The following BRAF variants were observed in gnomAD, a reference collection of about 807,000 sequenced individuals.
BRAF encodes the protein serine/threonine-protein kinase B-raf.
In BRAF, 16 loss-of-function variants were observed where a neutral mutation model predicts 104.6. The ratio of observed to expected loss-of-function variants is 0.15; its 90% CI spans 0.10 to 0.23. The LOEUF (loss-of-function observed/expected upper bound fraction) is 0.23, where lower values mean the gene tolerates loss of function less well. Ranked by LOEUF, BRAF falls within the 10% of genes least tolerant of loss-of-function variation. The pLI is 1.00. For missense variants in BRAF, 541 were observed against 937.3 expected (o/e 0.58, Z 5.52); for synonymous variants, 310 against 341.6 (o/e 0.91, Z 1.02).
At chr7:140,883,404 A>G (rs959389391) in intron 1 of BRAF, among the ~76,000 whole-genome samples, 21 of 152,344 alleles carry the variant, frequency 1.4e-4, no homozygotes, top group African/African-American at 4.6e-4. Flanking sequence ...TCTGTCGTAT[A>G]TAACTTTTTC....
chr7:140,764,905 A>T (rs1459905103), intron 14 of BRAF, among the ~76,000 whole-genome samples: 3 of 152,224 alleles, frequency 2.0e-5, no homozygotes, highest in Non-Finnish European at 2.9e-5. Context: ...TGCCATCCCC[A>T]TCAAGCTACC....
At chr7:140,916,506 T>C (rs1460438869) in intron 1 of BRAF, among the ~76,000 whole-genome samples, 2 of 152,242 alleles carry the variant, frequency 1.3e-5, no homozygotes, top group African/African-American at 2.4e-5. Context: ...CACAACCTAA[T>C]TGACACTTTC....
intron 1 of BRAF, among the ~76,000 whole-genome samples, chr7:140,877,822 C>A (rs1016811150): frequency 2.6e-5 from 4 of 152,010 alleles, no homozygotes; most frequent in South Asian, 2.1e-4. Flanking sequence ...CTGAAGATAT[C>A]TTTTATATTC....
chr7:140,852,489 T>C (rs1809289256), intron 1 of BRAF, among the ~76,000 whole-genome samples: 1 of 152,056 alleles, frequency 6.6e-6, no homozygotes, highest in East Asian at 1.9e-4. Context: ...AAATGATTCA[T>C]ATGCATATTA....
chr7:140,779,318 C>A (rs1800629408), intron 12 of BRAF, among the ~76,000 whole-genome samples: 1 of 152,092 alleles, frequency 6.6e-6, no homozygotes, highest in African/African-American at 2.4e-5. Flanking sequence ...CTCACTGCAG[C>A]CTTGAACTCC....
In BRAF at chr7:140,720,029, A is replaced by G. The variant is rs1795246699; in HGVS notation, c.*6465T>C. On this transcript the variant is annotated 3_prime_UTR_variant, in exon 20 of 20. Transcript: ENST00000644969. ...AGGAGTCATGTCCTCAAACCAAGGA[A>G]TACATGAAAAGGGGGGATTTCCTTT... is the stretch of plus-strand genomic sequence containing the variant. 2.8e-6 allele frequency: 3 copies of G among 1,061,326 alleles called. No homozygotes were observed. Among genetic ancestry groups the G allele is most frequent in the Non-Finnish European group, 3.4e-6 (3 of 876,820 alleles). 65.7% of individuals were successfully genotyped at this position (1,061,326 alleles called of 1,614,324 possible).
At chr7:140,871,885 A>G (rs1184367113) in intron 1 of BRAF, among the ~76,000 whole-genome samples, 3 of 152,180 alleles carry the variant, frequency 2.0e-5, no homozygotes, top group African/African-American at 7.2e-5. Flanking sequence ...TAGTGCTATT[A>G]TGGAGGAGCT....
intron 17 of BRAF, among the ~76,000 whole-genome samples, chr7:140,743,512 GAATTGAAC>G (rs1562936388): frequency 1.3e-5 from 2 of 151,524 alleles, no homozygotes; most frequent in African/African-American, 4.8e-5. Context: ...TCATAGGTGG[GAATTGAAC>G]AATGAGAACA....
At chr7:140,817,504 G>T (rs1169740922) in intron 3 of BRAF, among the ~76,000 whole-genome samples, 1 of 152,012 alleles carries the variant, frequency 6.6e-6, no homozygotes, top group Admixed American at 6.6e-5. Context: ...AAAGCAAAAA[G>T]AACAAAACTG....
In BRAF at chr7:140,725,405, A is replaced by G; in HGVS notation, c.*1089T>C. ...AACAAAAATACAATTTTCAGGATAT[A>G]TAATTCTGGTGGGAAGTATTGTTTT... On this transcript the variant is annotated 3_prime_UTR_variant, in exon 20 of 20. Coordinates refer to ENST00000644969, the MANE Select transcript of BRAF (RefSeq NM_001374258.1). 1.1e-6 allele frequency: 1 copy of G among 951,670 alleles called. No individual in the cohort carries two copies. The highest frequency in any genetic ancestry group is 6.0e-5 in the East Asian group (1 of 16,680). 59.0% of individuals were successfully genotyped at this position (951,670 alleles called of 1,614,324 possible).
intron 1 of BRAF, among the ~76,000 whole-genome samples, chr7:140,904,510 A>G (rs1469618761): frequency 6.6e-6 from 1 of 152,210 alleles, no homozygotes; most frequent in African/African-American, 2.4e-5. Flanking sequence ...CTCACTTTCA[A>G]TGGTCTAAGA....
chr7:140,744,085 C>T (rs1046389384), intron 17 of BRAF, among the ~76,000 whole-genome samples: 11 of 152,202 alleles, frequency 7.2e-5, no homozygotes, highest in African/African-American at 2.7e-4. Context: ...CTTGAAATGT[C>T]CTGCCTGATC....
intron 2 of BRAF, among the ~76,000 whole-genome samples, chr7:140,848,842 C>T (rs1237491588): frequency 6.6e-6 from 1 of 152,122 alleles, no homozygotes; most frequent in Admixed American, 6.5e-5. Context: ...GGATGAGCCA[C>T]ATGAAGAAGA....
chr7:140,849,965 G>A (rs1443752318), intron 2 of BRAF, 146 bp downstream of exon 2: 3 of 623,858 alleles, frequency 4.8e-6, no homozygotes, highest in Non-Finnish European at 8.4e-6. Flanking sequence ...AGATTAAGAA[G>A]TATAATACAG....
rs35564909 is a variant in BRAF, at chr7:140,855,554, C to CA, written c.139-5343dup. Among the ~76,000 whole-genome samples the CA allele has an allele frequency of 1.6e-3, 239 of 145,434 alleles. 3 individuals carry two copies. Among genetic ancestry groups the CA allele is most frequent in the Non-Finnish European group, 2.6e-3 (168 of 65,254 alleles). ...AAGGACATGAAGGGGAGCTATGGCA[C>CA]AAAAAAAAAACTACAGCCATTGGCT... On this transcript the variant is annotated intron_variant, in intron 1 of 19. Coordinates refer to ENST00000644969, the MANE Select transcript of BRAF (RefSeq NM_001374258.1).
chr7:140,725,260 G>C lies in BRAF; in HGVS notation c.*1234C>G. ...AAACAATGAGATTATTAGCAAAGAT[G>C]TTAGTGTGGATCCAGCAAGTACCAT... is the stretch of plus-strand genomic sequence containing the variant. On this transcript the variant is annotated 3_prime_UTR_variant, in exon 20 of 20. Coordinates refer to ENST00000644969, the MANE Select transcript of BRAF (RefSeq NM_001374258.1). The C allele has an allele frequency of 1.9e-6, 2 of 1,044,482 alleles. No homozygotes were observed. The highest frequency in any genetic ancestry group is 2.3e-6 in the Non-Finnish European group (2 of 865,834). 64.7% of individuals were successfully genotyped at this position (1,044,482 alleles called of 1,614,324 possible). A position where few individuals can be genotyped will look rare whatever the true frequency, so the allele number is the denominator to read the frequency against.
intron 1 of BRAF, among the ~76,000 whole-genome samples, chr7:140,867,882 C>T (rs902979867): frequency 2.0e-5 from 3 of 152,162 alleles, no homozygotes; most frequent in Admixed American, 1.3e-4. Flanking sequence ...TGACCCTGGG[C>T]TTCTCCTTGC....
At chr7:140,854,318 T>C (rs887200416) in intron 1 of BRAF, among the ~76,000 whole-genome samples, 2 of 152,212 alleles carry the variant, frequency 1.3e-5, no homozygotes, top group Admixed American at 6.5e-5. Flanking sequence ...ATCAGAAACA[T>C]TTTCTTTTTT....
intron 1 of BRAF, among the ~76,000 whole-genome samples, chr7:140,919,787 C>A (rs991955127): frequency 3.9e-5 from 6 of 151,974 alleles, no homozygotes; most frequent in African/African-American, 1.5e-4. Context: ...CCCAAATAGG[C>A]CCACCTATTT....
Sources: gnomAD v4.1 joint callset for allele counts (sites outside exome capture counted in the v4.1 genomes callset) on GRCh38, gnomAD v4.1.1 for gene constraint, MANE v1.5 for transcripts, NCBI Gene and HGNC (gene_info 2026-07-23, HGNC 2026-07-21) for gene names.